Variants in GTPBP6 observed in about 807,000 individuals in gnomAD.
GTPBP6 encodes the protein putative GTP-binding protein 6.
GTPBP6 carries 33 observed loss-of-function variants against 28.9 expected under a neutral mutation model. That is an observed-to-expected ratio of 1.14 (90% CI 0.87 to 1.53). GTPBP6 has a LOEUF of 1.53. Ranked by LOEUF, GTPBP6 falls within the 40% of genes most tolerant of loss-of-function variation. The probability of loss-of-function intolerance (pLI) is 0.00; values close to 1 mark genes in which losing one functional copy is unlikely to be tolerated. For synonymous variants in GTPBP6, 231 were observed against 192.7 expected (o/e 1.20, Z -1.65); for missense variants, 507 against 408.3 (o/e 1.24, Z -2.08).
At chrX:311,833 G>A (rs1265760830) in intron 6 of GTPBP6, 1 of 609,854 alleles carries the variant, frequency 1.6e-6, no homozygotes, top group Non-Finnish European at 2.9e-6. Flanking sequence ...GATGGAGCGG[G>A]GCCGCCGTGC....
chrX:307,844 C>CA lies in GTPBP6; in HGVS notation c.1161_1162insT (p.Glu388Ter). On this transcript the variant is annotated frameshift_variant, in exon 8 of 10. Coordinates refer to ENST00000326153, the Ensembl canonical transcript of GTPBP6. LOFTEE classifies it high-confidence loss of function. ...ACGCTGCATTTCTGGAGCTCCGCCT[C>CA]GGGGTGGCTGACGTCCCTCACGTGC... 1 of 1,542,216 alleles carries CA rather than the reference C, an allele frequency of 6.5e-7. No homozygotes were observed. The highest frequency in any genetic ancestry group is 1.2e-5 in the South Asian group (1 of 80,660).
intron 6 of GTPBP6, 114 bp downstream of exon 6, chrX:312,652 C>T (rs771840873): frequency 2.3e-5 from 25 of 1,108,590 alleles, no homozygotes; most frequent in South Asian, 3.8e-5. Context: ...ACGTGCTCAC[C>T]GCAGCTGTCG....
chrX:309,482 T>TG (rs1321632693), intron 7 of GTPBP6, among the ~76,000 whole-genome samples: 2 of 151,984 alleles, frequency 1.3e-5, no homozygotes, highest in Non-Finnish European at 2.9e-5. Flanking sequence ...GAAAGAGATG[T>TG]GGGGCAGACA....
exon 1 of GTPBP6, chrX:318,742 G>A (rs2070486238): frequency 3.0e-6 from 1 of 333,486 alleles, no homozygotes; most frequent in Non-Finnish European, 5.4e-6. Context: ...CGGCCCACGC[G>A]GGAGAGCCGC....
intron 1 of GTPBP6, among the ~76,000 whole-genome samples, chrX:317,917 C>A (rs1324103464): frequency 6.7e-6 from 1 of 148,738 alleles, no homozygotes; most frequent in Non-Finnish European, 1.5e-5. Flanking sequence ...ACCCATGCAC[C>A]TCCACCTATG....
chrX:311,058 C>A (rs779943025), intron 7 of GTPBP6, among the ~76,000 whole-genome samples: 1 of 152,094 alleles, frequency 6.6e-6, no homozygotes, highest in African/African-American at 2.4e-5. Context: ...GGGCTCACGG[C>A]GGCAAGAACA....
exon 10 of GTPBP6, chrX:305,122 G>A (rs758176788): frequency 1.1e-5 from 17 of 1,613,518 alleles, no homozygotes; most frequent in Non-Finnish European, 1.4e-5. Context: ...AGTTGCTGAT[G>A]ATGACCCTCA....
At chrX:312,492 A>C in intron 6 of GTPBP6, 1 of 635,550 alleles carries the variant, frequency 1.6e-6, no homozygotes, top group Non-Finnish European at 2.9e-6. Context: ...ACAGGGTGGT[A>C]AAGCTCTGGA....
At chrX:305,791 AT>A (rs1569345431) in intron 9 of GTPBP6, among the ~76,000 whole-genome samples, 3 of 150,156 alleles carry the variant, frequency 2.0e-5, no homozygotes, top group Non-Finnish European at 4.4e-5. Context: ...CGCCCGGCTA[AT>A]TTTTTGTATT....
intron 7 of GTPBP6, among the ~76,000 whole-genome samples, chrX:310,477 T>C (rs1462222206): frequency 3.0e-5 from 4 of 131,878 alleles, no homozygotes; most frequent in Non-Finnish European, 3.1e-5. Context: ...GTCCATGTAT[T>C]GATCATCTGG....
chrX:315,618 C>A (rs2070418602), intron 2 of GTPBP6, among the ~76,000 whole-genome samples: 1 of 115,642 alleles, frequency 8.6e-6, no homozygotes, highest in Non-Finnish European at 1.8e-5. Context: ...CAGACACAGA[C>A]ACACAGACAG....
rs1266741093 is a variant in GTPBP6, at chrX:308,797, C to T, written c.1126-917G>A. Among the ~76,000 whole-genome samples the T allele has an allele frequency of 4.8e-5, 7 of 146,478 alleles. No individual in the cohort carries two copies. In the East Asian group the frequency reaches 8.1e-4, roughly 17 times the overall value. On this transcript the variant is annotated intron_variant, in intron 7 of 9. Transcript: ENST00000326153. ...TCACACAGGCTGGAGTGCAGTGGCG[C>T]GATCTCAGCTCACTGCAAGCTCCGC... is the stretch of plus-strand genomic sequence containing the variant.
At position 307,619 on chromosome X, in the gene GTPBP6, C is replaced by T. The variant is rs1039998763; in HGVS notation, c.1275-107G>A. On this transcript the variant is annotated intron_variant, in intron 8 of 9. Transcript: ENST00000326153. Reference sequence around the variant, plus strand: ...ACGGGGCACAGTCTGGGGCCACTCCCTGTGTCCTGACTGCCACCGCTGCGG... The same window carrying T: ...ACGGGGCACAGTCTGGGGCCACTCCTTGTGTCCTGACTGCCACCGCTGCGG... 21 of 1,438,902 alleles carry T rather than the reference C, an allele frequency of 1.5e-5. No homozygotes were observed. In the African/African-American group the frequency reaches 2.5e-4, roughly 17 times the overall value. The allele number at this position is 1,438,902 out of a possible 1,614,324, so 89.1% of individuals were successfully genotyped here. A position where few individuals can be genotyped will look rare whatever the true frequency, so the allele number is the denominator to read the frequency against.
intron 9 of GTPBP6, among the ~76,000 whole-genome samples, chrX:306,583 C>T (rs1042544375): frequency 2.7e-5 from 4 of 150,126 alleles, no homozygotes; most frequent in African/African-American, 9.8e-5. Flanking sequence ...TTTTTACTGT[C>T]AAGCACAGAT....
chrX:314,647 C>G (rs1266995633), intron 4 of GTPBP6, among the ~76,000 whole-genome samples: 3 of 151,938 alleles, frequency 2.0e-5, no homozygotes, highest in Non-Finnish European at 2.9e-5. Flanking sequence ...TAATTTTTTT[C>G]TTGTATTTTT....
chrX:316,230 G>GGT (rs2070436910), intron 2 of GTPBP6, among the ~76,000 whole-genome samples: 1 of 18,458 alleles, frequency 5.4e-5, no homozygotes, highest in Non-Finnish European at 1.5e-4. Context: ...CATCCCAGCA[G>GGT]GGACACAAAC....
At chrX:306,143 C>G (rs1383586721) in intron 9 of GTPBP6, among the ~76,000 whole-genome samples, 1 of 152,060 alleles carries the variant, frequency 6.6e-6, no homozygotes, top group Non-Finnish European at 1.5e-5. Flanking sequence ...TGCGCACAGT[C>G]AGAAATGTAT....
chrX:307,274 C>A, intron 9 of GTPBP6, 86 bp downstream of exon 9: 1 of 1,284,614 alleles, frequency 7.8e-7, no homozygotes, highest in South Asian at 1.3e-5. Context: ...CTCACAGCTC[C>A]TTGTGCACCC....
At chrX:306,770 T>C (rs28376235) in intron 9 of GTPBP6, among the ~76,000 whole-genome samples, 3 of 145,068 alleles carry the variant, frequency 2.1e-5, no homozygotes, top group African/African-American at 7.7e-5. Context: ...TGTTGTATGG[T>C]CAGAAATGTA....
Sources: gnomAD v4.1 joint callset for allele counts (sites outside exome capture counted in the v4.1 genomes callset) on GRCh38, gnomAD v4.1.1 for gene constraint, MANE v1.5 for transcripts, NCBI Gene and HGNC (gene_info 2026-07-23, HGNC 2026-07-21) for gene names.